Variants in BCLAF1 observed in about 807,000 individuals in gnomAD.
BCLAF1 encodes the protein bcl-2-associated transcription factor 1.
BCLAF1 carries 10 observed loss-of-function variants against 99.5 expected under a neutral mutation model. The ratio of observed to expected loss-of-function variants is 0.10; its 90% CI spans 0.06 to 0.17. The LOEUF (loss-of-function observed/expected upper bound fraction) is 0.17. Among genes scored for constraint, BCLAF1 ranks in the 10% least tolerant of loss-of-function variants. The probability of loss-of-function intolerance (pLI) is 1.00; values close to 1 mark genes in which losing one functional copy is unlikely to be tolerated. For missense variants in BCLAF1, 636 were observed against 1,105.8 expected (o/e 0.58, Z 6.02); for synonymous variants, 255 against 370.9 (o/e 0.69, Z 3.59).
intron 6 of BCLAF1, chr6:136,274,260 G>T: frequency 1.3e-6 from 1 of 750,688 alleles, no homozygotes; most frequent in Non-Finnish European, 1.9e-6. Flanking sequence ...TGTTCAGATC[G>T]GTTGCACAAT....
At position 136,261,082 on chromosome 6, in the gene BCLAF1, G is replaced by C. The variant is rs766196853; in HGVS notation, c.*28C>G. The C allele has an allele frequency of 1.0e-5, 16 of 1,558,344 alleles. No homozygotes were observed. The highest frequency in any genetic ancestry group is 1.4e-5 in the Non-Finnish European group (16 of 1,153,074). ...AAAAAAAATGGTGGGTGCAAGTTCT[G>C]CTCTGTTGTAATCTTACTTCATATT... On this transcript the variant is annotated 3_prime_UTR_variant, in exon 13 of 13. Coordinates refer to ENST00000531224, the MANE Select transcript of BCLAF1 (RefSeq NM_014739.3).
In BCLAF1 at chr6:136,261,040, G is replaced by A. The variant is rs980574896; in HGVS notation, c.*70C>T. ...AAGTAAAATGCTTACATTCTTATTT[G>A]AAAACAAAAATCAGGTAAAAAAAAT... On this transcript the variant is annotated 3_prime_UTR_variant, in exon 13 of 13. Coordinates refer to ENST00000531224, the MANE Select transcript of BCLAF1 (RefSeq NM_014739.3). 13 of 1,455,946 alleles carry A rather than the reference G, an allele frequency of 8.9e-6. No homozygotes were observed. The African/African-American group carries it at 1.3e-4, about 15-fold the overall frequency. The allele number at this position is 1,455,946 out of a possible 1,614,324, so 90.2% of individuals were successfully genotyped here. A position where few individuals can be genotyped will look rare whatever the true frequency, so the allele number is the denominator to read the frequency against.
At chr6:136,266,952 T>C in intron 11 of BCLAF1, 77 bp downstream of exon 11, 1 of 1,504,582 alleles carries the variant, frequency 6.6e-7, no homozygotes, top group Non-Finnish European at 9.1e-7. Context: ...GTAGTGGTTA[T>C]CTGTACTCAA....
chr6:136,279,280 T>C (rs1458119066), intron 3 of BCLAF1, among the ~76,000 whole-genome samples: 1 of 152,180 alleles, frequency 6.6e-6, no homozygotes, highest in Admixed American at 6.5e-5. Context: ...TATGGTCATT[T>C]GTATTTTCAA....
rs1224472795 is a variant in BCLAF1 at position 136,276,671 on chromosome 6, T to G, written c.1017-163A>C. ...CCACTTTTAAAAATCATTGAAAGCA[T>G]CCATATAGAACTTATGTACTGACTT... On this transcript the variant is annotated intron_variant, in intron 4 of 12. Transcript: ENST00000531224. 2.6e-5 allele frequency among the ~76,000 whole-genome samples: 4 copies of G among 152,318 alleles called. No individual in the cohort carries two copies. The East Asian group carries it at 7.7e-4, about 29-fold the overall frequency.
At chr6:136,289,350 G>A (rs779098144) in intron 1 of BCLAF1, among the ~76,000 whole-genome samples, 2 of 152,242 alleles carry the variant, frequency 1.3e-5, no homozygotes, top group African/African-American at 2.4e-5. Flanking sequence ...GAACGAGCGC[G>A]CGTGCGCGGA....
chr6:136,272,973 G>A (rs182992109), intron 7 of BCLAF1, 109 bp downstream of exon 7: 148 of 679,076 alleles, frequency 2.2e-4, no homozygotes, highest in African/African-American at 2.2e-3. Flanking sequence ...TATAAATGAG[G>A]AATAATACTT....
In BCLAF1 at chr6:136,271,587, T is replaced by G. The variant is rs185880112; in HGVS notation, c.2043+408A>C. Among the ~76,000 whole-genome samples the G allele has an allele frequency of 7.1e-3, 1,081 of 152,030 alleles. 14 individuals are homozygous for G. The highest frequency in any genetic ancestry group is 0.025 in the African/African-American group (1,027 of 41,536). ...TCCACATCAAAAATGCTCAGTAGCA[T>G]GGGGATTACTTCTTGTTATCTGTGA... On this transcript the variant is annotated intron_variant, in intron 8 of 12. Transcript: ENST00000531224.
At chr6:136,264,386 T>C (rs1781444702) in intron 11 of BCLAF1, among the ~76,000 whole-genome samples, 2 of 152,144 alleles carry the variant, frequency 1.3e-5, no homozygotes, top group South Asian at 4.1e-4. Context: ...TTCGTTTTTT[T>C]TGTAGAGACA....
intron 11 of BCLAF1, among the ~76,000 whole-genome samples, chr6:136,266,125 C>T (rs1781683120): frequency 6.6e-6 from 1 of 151,740 alleles, no homozygotes; most frequent in African/African-American, 2.4e-5. Flanking sequence ...TATAGTTTTT[C>T]CAGACAAAAT....
chr6:136,280,477 C>T (rs1446432137), intron 2 of BCLAF1, among the ~76,000 whole-genome samples: 1 of 152,072 alleles, frequency 6.6e-6, no homozygotes, highest in African/African-American at 2.4e-5. Flanking sequence ...GTACTCATGA[C>T]TCCAGAATAA....
chr6:136,263,639 T>G (rs907738897), intron 11 of BCLAF1, among the ~76,000 whole-genome samples: 2 of 152,146 alleles, frequency 1.3e-5, no homozygotes, highest in African/African-American at 4.8e-5. Context: ...CTGAATCATC[T>G]TCTCTTCTCC....
chr6:136,276,423 T>C lies in BCLAF1; in HGVS notation c.1102A>G (p.Lys368Glu). ...KEASKEKGSE[K>E]GRAEGEWEDQ... ...TCCCATTCTCCCTCTGCCCTCCCTT[T>C]CTCTGATCCTTTCTCTTTTGAAGCC... Residue 368 changes from lysine to glutamate, a missense_variant, in exon 5 of 13, where the codon AAA becomes GAA. Physicochemically the swap from Lys to Glu is moderately conservative, Grantham distance 56. This residue lies in a region of BCLAF1 where 186 missense variants were observed against 275.3 expected (regional missense o/e 0.68). Coordinates refer to ENST00000531224, the MANE Select transcript of BCLAF1 (RefSeq NM_014739.3). 2 of 1,550,578 alleles carry C rather than the reference T, an allele frequency of 1.3e-6. No homozygotes were observed. The highest frequency in any genetic ancestry group is 2.5e-5 in the South Asian group (2 of 79,950).
At chr6:136,273,262 T>C (rs980797161) in intron 6 of BCLAF1, 75 bp from the exon 7 acceptor site, 11 of 1,235,028 alleles carry the variant, frequency 8.9e-6, no homozygotes, top group Admixed American at 2.1e-5. Context: ...CAGAAGGGCA[T>C]GTAGCAGGTG....
chr6:136,268,116 T>C (rs761455343), intron 10 of BCLAF1, 46 bp downstream of exon 10: 10 of 1,482,924 alleles, frequency 6.7e-6, no homozygotes, highest in Non-Finnish European at 7.2e-6. Context: ...TACAGTACTC[T>C]AAGATAAACT....
At chr6:136,271,793 C>T (rs190888281) in intron 8 of BCLAF1, 13 of 371,428 alleles carry the variant, frequency 3.5e-5, no homozygotes, top group Middle Eastern at 7.3e-4. Flanking sequence ...TGAAAAAACA[C>T]TCTTGGTTTA....
At chr6:136,261,142 T>C in intron 12 of BCLAF1, 27 bp from the exon 13 acceptor site, 1 of 1,573,082 alleles carries the variant, frequency 6.4e-7, no homozygotes. Flanking sequence ...AAATTAAAGA[T>C]TAACAAAAGA....
Position 136,268,353 on chromosome 6 carries a change from A to G in BCLAF1, c.2220-14T>C, listed in dbSNP as rs1458707229. 1.9e-6 allele frequency: 3 copies of G among 1,580,288 alleles called. No individual in the cohort carries two copies. Among genetic ancestry groups the G allele is most frequent in the East Asian group, 4.5e-5 (2 of 44,480 alleles). ...CTTTTATGTTTACTGCAAAATAAAG[A>G]AAACAAAAAATGTGATACTTTTAAA... On this transcript the variant is annotated splice_polypyrimidine_tract_variant and intron_variant, in intron 9 of 12. Coordinates refer to ENST00000531224, the MANE Select transcript of BCLAF1 (RefSeq NM_014739.3).
intron 11 of BCLAF1, 86 bp downstream of exon 11, chr6:136,266,943 T>G: frequency 6.9e-7 from 1 of 1,450,810 alleles, no homozygotes; most frequent in Non-Finnish European, 9.5e-7. Context: ...CTTCTTATAG[T>G]AGTGGTTATC....
Sources: gnomAD v4.1 joint callset for allele counts (sites outside exome capture counted in the v4.1 genomes callset) on GRCh38, gnomAD v4.1.1 for gene constraint, gnomAD v4.1.1 regional missense constraint, MANE v1.5 for transcripts, NCBI Gene and HGNC (gene_info 2026-07-23, HGNC 2026-07-21) for gene names.